EPC1: variants seen among roughly 807,000 people sequenced by gnomAD.
The protein encoded by EPC1 is enhancer of polycomb homolog 1.
In EPC1, 12 loss-of-function variants were observed where a neutral mutation model predicts 98.4. That is an observed-to-expected ratio of 0.12 (90% CI 0.08 to 0.20). The LOEUF (loss-of-function observed/expected upper bound fraction) is 0.20, where lower values mean the gene tolerates loss of function less well. Among genes scored for constraint, EPC1 ranks in the 10% least tolerant of loss-of-function variants. The probability of loss-of-function intolerance (pLI) is 1.00; values close to 1 mark genes in which losing one functional copy is unlikely to be tolerated. For missense variants in EPC1, 729 were observed against 990.5 expected, an observed-to-expected ratio of 0.74 and a Z score of 3.54; for synonymous variants, 357 against 363.9, an observed-to-expected ratio of 0.98 and a Z score of 0.21.
intron 1 of EPC1, among the ~76,000 whole-genome samples, chr10:32,346,044 G>A (rs2370759): frequency 0.15 from 22,885 of 151,868 alleles, 2,040 homozygotes; most frequent in South Asian, 0.33. Flanking sequence ...AACTAGCTCT[G>A]GAGAGGGATG....
intron 1 of EPC1, 95 bp from the exon 2 acceptor site, chr10:32,306,026 A>G: frequency 9.3e-7 from 1 of 1,072,806 alleles, no homozygotes; most frequent in Non-Finnish European, 1.3e-6. Context: ...ATTTGTTTTT[A>G]AAATAGAGAG....
At chr10:32,343,582 C>T (rs946869843) in intron 1 of EPC1, among the ~76,000 whole-genome samples, 1 of 152,106 alleles carries the variant, frequency 6.6e-6, no homozygotes, top group African/African-American at 2.4e-5. Flanking sequence ...TCTCTAACAT[C>T]TTTGACCCAG....
intron 1 of EPC1, among the ~76,000 whole-genome samples, chr10:32,320,254 C>G (rs1345916853): frequency 1.3e-5 from 2 of 151,400 alleles, no homozygotes; most frequent in African/African-American, 4.9e-5. Context: ...ACAATCTGTA[C>G]AAGAGATTCA....
chr10:32,285,093 T>C (rs754283157), intron 9 of EPC1, 43 bp from the exon 10 acceptor site: 3 of 1,491,150 alleles, frequency 2.0e-6, no homozygotes, highest in Admixed American at 3.9e-5. Flanking sequence ...AAAATAGCTA[T>C]TCAAAGATTA....
intron 1 of EPC1, among the ~76,000 whole-genome samples, chr10:32,356,558 A>G (rs1839283115): frequency 1.3e-5 from 2 of 152,306 alleles, no homozygotes; most frequent in South Asian, 4.1e-4. Context: ...GAGGAGATCA[A>G]CGAGGAGAAT....
At chr10:32,275,393 G>T (rs1289606911) in intron 10 of EPC1, among the ~76,000 whole-genome samples, 1 of 152,206 alleles carries the variant, frequency 6.6e-6, no homozygotes, top group Non-Finnish European at 1.5e-5. Flanking sequence ...CAACACTTTG[G>T]GAGGCCGAGG....
chr10:32,309,493 C>CTTTTTTTTT (rs67775039), intron 1 of EPC1, among the ~76,000 whole-genome samples: 3 of 142,442 alleles, frequency 2.1e-5, no homozygotes, highest in Non-Finnish European at 4.5e-5. Flanking sequence ...TATTTTCAAG[C>CTTTTTTTTT]TTTTTTTTTT....
At chr10:32,327,563 A>C (rs73247727) in intron 1 of EPC1, among the ~76,000 whole-genome samples, 4,979 of 152,264 alleles carry the variant, frequency 0.033, 272 homozygotes, top group African/African-American at 0.11. Context: ...TACTCCATAA[A>C]TATAGCCAAG....
At chr10:32,304,883 C>A (rs1201878861) in intron 2 of EPC1, among the ~76,000 whole-genome samples, 1 of 143,376 alleles carries the variant, frequency 7.0e-6, no homozygotes, top group East Asian at 2.0e-4. Flanking sequence ...CGCGCCATTG[C>A]ACTCTAGCCT....
chr10:32,275,378 A>T (rs1836027260), intron 10 of EPC1, among the ~76,000 whole-genome samples: 1 of 152,240 alleles, frequency 6.6e-6, no homozygotes, highest in Non-Finnish European at 1.5e-5. Context: ...GCACGCCTGT[A>T]ATCCCAACAC....
chr10:32,320,292 T>C (rs187379573), intron 1 of EPC1, among the ~76,000 whole-genome samples: 2 of 152,278 alleles, frequency 1.3e-5, no homozygotes, highest in African/African-American at 2.4e-5. Flanking sequence ...TGTTACCAAG[T>C]ACCTGCATAA....
At chr10:32,333,837 A>G (rs953018527) in intron 1 of EPC1, among the ~76,000 whole-genome samples, 4 of 152,212 alleles carry the variant, frequency 2.6e-5, no homozygotes, top group Admixed American at 1.3e-4. Context: ...ATTTGTGCAT[A>G]TGATTTTCAA....
upstream of EPC1, among the ~76,000 whole-genome samples, chr10:32,350,166 G>T (rs1341777401): frequency 6.6e-6 from 1 of 152,180 alleles, no homozygotes; most frequent in East Asian, 1.9e-4. Flanking sequence ...ATACCCTAAC[G>T]GCAGAGGGAA....
chr10:32,375,397 G>A (rs1331654528), intron 1 of EPC1, among the ~76,000 whole-genome samples: 1 of 151,886 alleles, frequency 6.6e-6, no homozygotes, highest in African/African-American at 2.4e-5. Context: ...AATGAGTTTG[G>A]CTAACCTGAA....
At chr10:32,278,575 G>T (rs893610813) in intron 10 of EPC1, among the ~76,000 whole-genome samples, 1 of 151,388 alleles carries the variant, frequency 6.6e-6, no homozygotes, top group African/African-American at 2.4e-5. Flanking sequence ...TAGAGACGGG[G>T]TTTCACCGTT....
At chr10:32,296,720 A>G (rs1835184257) in intron 2 of EPC1, among the ~76,000 whole-genome samples, 1 of 152,192 alleles carries the variant, frequency 6.6e-6, no homozygotes, top group African/African-American at 2.4e-5. Context: ...CAGCCTGGCC[A>G]ACACGGTGAA....
chr10:32,271,036 C>T (rs1835817497), intron 13 of EPC1, among the ~76,000 whole-genome samples: 1 of 151,230 alleles, frequency 6.6e-6, no homozygotes, highest in South Asian at 2.1e-4. Context: ...GCTCTTGTTG[C>T]CCTGGCCAGA....
At chr10:32,321,454 G>C (rs1836910690) in intron 1 of EPC1, among the ~76,000 whole-genome samples, 1 of 151,952 alleles carries the variant, frequency 6.6e-6, no homozygotes, top group African/African-American at 2.4e-5. Flanking sequence ...TCCTGGACAA[G>C]TGATCCTCCT....
rs1835706316 is a variant in EPC1, at chr10:32,268,964, G to A, written c.*99C>T. 9.9e-7 allele frequency: 1 copy of A among 1,008,472 alleles called. No individual in the cohort carries two copies. The highest frequency in any genetic ancestry group is 1.6e-5 in the African/African-American group (1 of 62,244). 62.5% of individuals were successfully genotyped at this position (1,008,472 alleles called of 1,614,324 possible). A position where few individuals can be genotyped will look rare whatever the true frequency, so the allele number is the denominator to read the frequency against. On this transcript the variant is annotated 3_prime_UTR_variant, in exon 14 of 14. Coordinates refer to ENST00000319778, the MANE Select transcript of EPC1 (RefSeq NM_001272004.3). ...CTGTCAAGTCCCCACAGCTGCCACA[G>A]AAACGCATGTGCTGCTTTCCATCAT...
Sources: allele counts gnomAD v4.1 joint callset (sites outside exome capture counted in the v4.1 genomes callset), GRCh38; gene constraint gnomAD v4.1.1; transcripts MANE v1.5; gene names NCBI Gene and HGNC (gene_info 2026-07-23, HGNC 2026-07-21).